ODR4: variants seen among roughly 807,000 people sequenced by gnomAD.
ODR4 encodes the protein odr-4 GPCR localization factor homolog.
ODR4 carries 47 observed loss-of-function variants against 60.2 expected under a neutral mutation model. The ratio of observed to expected loss-of-function variants is 0.78; its 90% confidence interval spans 0.62 to 1.00. The LOEUF is 1.00. Ranked by LOEUF, ODR4 falls within the 50% of genes least tolerant of loss-of-function variation. ODR4 has a pLI of 0.00. For missense variants in ODR4, 488 were observed against 530.8 expected (o/e 0.92, Z 0.79); for synonymous variants, 178 against 175.5 (o/e 1.01, Z -0.11).
intron 2 of ODR4, among the ~76,000 whole-genome samples, chr1:186,382,460 C>CA (rs1416231674): frequency 1.3e-5 from 2 of 151,574 alleles, no homozygotes; most frequent in Admixed American, 6.6e-5. Flanking sequence ...ACACAAAGAA[C>CA]AAAAAACAAA....
Position 186,375,992 on chromosome 1 carries a change from T to C in ODR4, c.-20+18T>C. On this transcript the variant is annotated intron_variant, in intron 1 of 13. Transcript: ENST00000287859. ...GAAAACAGGTAAGTCAGCCTAAGTG[T>C]AGTGTGTGTGTGTGTGTGTGTGTGT... 9.9e-6 allele frequency: 1 copy of C among 100,708 alleles called. No homozygotes were observed. Among genetic ancestry groups the C allele is most frequent in the South Asian group, 9.8e-5 (1 of 10,242 alleles). The allele number at this position is 100,708 out of a possible 1,614,324, so 6.2% of individuals were successfully genotyped here. A position where few individuals can be genotyped will look rare whatever the true frequency, so the allele number is the denominator to read the frequency against.
At chr1:186,410,908 A>G (rs1571697414) in intron 12 of ODR4, among the ~76,000 whole-genome samples, 1 of 152,186 alleles carries the variant, frequency 6.6e-6, no homozygotes, top group Middle Eastern at 3.4e-3. Context: ...CCAGCTACTC[A>G]GGAGGTGGAG....
chr1:186,416,175 G>A (rs1258180725), intron 12 of ODR4, among the ~76,000 whole-genome samples: 1 of 152,078 alleles, frequency 6.6e-6, no homozygotes. Flanking sequence ...ACTGCAACGT[G>A]CTGGTCAGTG....
At chr1:186,431,468 G>A in the ODR4 span, among the ~76,000 whole-genome samples, 2 of 152,050 alleles carry the variant, frequency 1.3e-5, no homozygotes, top group Non-Finnish European at 2.9e-5. Context: ...AGACAGATGA[G>A]TTGAAATTAA....
rs1660926774 is a variant in ODR4 at position 186,401,119 on chromosome 1, T to C, written c.1000+2075T>C. ...ATTAGTATACTCTTCTATTTAAAAA[T>C]CCTTTATAAAAGTGGTATTATATGG... is the stretch of plus-strand genomic sequence containing the variant. On this transcript the variant is annotated intron_variant, in intron 11 of 13. Transcript: ENST00000287859. The C allele has an allele frequency of 6.3e-7, 1 of 1,595,086 alleles. No individual in the cohort carries two copies. The highest frequency in any genetic ancestry group is 1.7e-5 in the Admixed American group (1 of 59,428).
the ODR4 span, among the ~76,000 whole-genome samples, chr1:186,430,978 G>T: frequency 2.6e-5 from 4 of 151,800 alleles, no homozygotes; most frequent in Admixed American, 6.6e-5. Flanking sequence ...GAATAATTAA[G>T]CGTGTAGAAA....
At chr1:186,399,467 C>T (rs1158549933) in intron 11 of ODR4, among the ~76,000 whole-genome samples, 1 of 152,084 alleles carries the variant, frequency 6.6e-6, no homozygotes, top group Non-Finnish European at 1.5e-5. Flanking sequence ...CTTTGGCTTC[C>T]CGAAGTGCTG....
chr1:186,392,598 C>G (rs958475245), intron 8 of ODR4, among the ~76,000 whole-genome samples: 7 of 152,136 alleles, frequency 4.6e-5, no homozygotes, highest in African/African-American at 1.7e-4. Context: ...GGGTGGGTCA[C>G]TTGAGGTCAG....
At chr1:186,431,938 A>G in the ODR4 span, among the ~76,000 whole-genome samples, 1 of 152,100 alleles carries the variant, frequency 6.6e-6, no homozygotes, top group Non-Finnish European at 1.5e-5. Context: ...TAGGGGGCTT[A>G]TGTTTTAGAT....
the ODR4 span, among the ~76,000 whole-genome samples, chr1:186,428,992 C>T: frequency 1.3e-5 from 2 of 152,062 alleles, no homozygotes; most frequent in Non-Finnish European, 2.9e-5. Context: ...TCCTATAATC[C>T]GAGCACTTTG....
In ODR4 at chr1:186,393,999, G is replaced by C. The variant is rs1423117995; in HGVS notation, c.764G>C (p.Arg255Thr). The change falls in exon 9 of 14, where the codon AGA becomes ACA. Residue 255 changes from arginine (R) to threonine (T), a missense_variant. By Grantham distance (71) the Arg-to-Thr change is moderately conservative. Coordinates refer to ENST00000287859, the MANE Select transcript of ODR4 (RefSeq NM_017847.6). ...GCAACTAGTCATTCTTTTGATGTCA[G>C]AGTGCTAACGCAGTTGGTAAATATT... ...TQATSHSFDVRVLTQLLLNSD... is the reference protein window; with the variant it reads ...TQATSHSFDVTVLTQLLLNSD... 1.3e-6 allele frequency: 2 copies of C among 1,493,486 alleles called. No individual in the cohort carries two copies. Among genetic ancestry groups the C allele is most frequent in the Non-Finnish European group, 1.8e-6 (2 of 1,098,218 alleles). 92.5% of individuals were successfully genotyped at this position (1,493,486 alleles called of 1,614,324 possible).
Position 186,388,454 on chromosome 1 carries a change from G to C in ODR4, c.343G>C (p.Val115Leu), listed in dbSNP as rs1454740541. The C allele has an allele frequency of 2.6e-6, 4 of 1,541,032 alleles. No homozygotes were observed. Among genetic ancestry groups the C allele is most frequent in the African/African-American group, 1.4e-5 (1 of 72,322 alleles). The change falls in exon 5 of 14, where the codon GTG (valine) becomes CTG (leucine). Residue 115 changes from valine to leucine, a missense_variant. By Grantham distance (32) the Val-to-Leu change is conservative. Transcript: ENST00000287859. ...TTCTCTCTTTCAGCTAATGTTTGCT[G>C]TGGAAAAGTCTATAAATAGAAAGAG... ...QNALRRLMFA[V>L]EKSINRKRLW...
At chr1:186,409,057 T>G (rs1287314722) in intron 12 of ODR4, among the ~76,000 whole-genome samples, 1 of 151,658 alleles carries the variant, frequency 6.6e-6, no homozygotes, top group African/African-American at 2.4e-5. Context: ...GCTAAGACAT[T>G]AAAAAAAATT....
At chr1:186,430,990 AAGAT>A in the ODR4 span, among the ~76,000 whole-genome samples, 1 of 152,150 alleles carries the variant, frequency 6.6e-6, no homozygotes, top group African/African-American at 2.4e-5. Context: ...GTGTAGAAAC[AAGAT>A]AGATGACTGT....
the ODR4 span, among the ~76,000 whole-genome samples, chr1:186,430,116 T>C: frequency 6.6e-6 from 1 of 152,036 alleles, no homozygotes; most frequent in Non-Finnish European, 1.5e-5. Context: ...ATTGTATTAA[T>C]ATAATAGAAA....
chr1:186,433,855 AG>A, the ODR4 span, among the ~76,000 whole-genome samples: 1 of 152,190 alleles, frequency 6.6e-6, no homozygotes, highest in African/African-American at 2.4e-5. Context: ...CTGGGATTAT[AG>A]GCATGAGCCA....
chr1:186,393,605 T>C, intron 8 of ODR4, among the ~76,000 whole-genome samples: 1 of 152,230 alleles, frequency 6.6e-6, no homozygotes, highest in Non-Finnish European at 1.5e-5. Context: ...TTATCTCTAC[T>C]GTGTAGCATG....
rs1048869085 is a variant in ODR4, at chr1:186,420,735, G to A, written c.*1659G>A. ...AGTGAGCAGTGAGGAGAAACAAGGA[G>A]CTAGAAAACATTGGAAAGTTAAGAG... On this transcript the variant is annotated 3_prime_UTR_variant, in exon 14 of 14. Coordinates refer to ENST00000287859, the MANE Select transcript of ODR4 (RefSeq NM_017847.6). 3 of 152,118 alleles carry A rather than the reference G, an allele frequency of 2.0e-5. No individual in the cohort carries two copies. The highest frequency in any genetic ancestry group is 4.8e-5 in the African/African-American group (2 of 41,426). 9.4% of individuals were successfully genotyped at this position (152,118 alleles called of 1,614,324 possible).
intron 4 of ODR4, 27 bp downstream of exon 4, chr1:186,386,110 A>G (rs1660240688): frequency 7.6e-7 from 1 of 1,322,458 alleles, no homozygotes; most frequent in African/African-American, 1.5e-5. Context: ...GAAAATTCTT[A>G]ATGAAATCAG....
Sources: allele counts gnomAD v4.1 joint callset (sites outside exome capture counted in the v4.1 genomes callset), GRCh38; gene constraint gnomAD v4.1.1; transcripts MANE v1.5; gene names NCBI Gene and HGNC (gene_info 2026-07-23, HGNC 2026-07-21).